Variants in C2CD2 observed in about 807,000 individuals in gnomAD.
The protein encoded by C2CD2 is C2 domain-containing protein 2.
In C2CD2, 43 loss-of-function variants were observed where a neutral mutation model predicts 74.3. That is an observed-to-expected ratio of 0.58 (90% CI 0.45 to 0.75). The LOEUF is 0.75. Among genes scored for constraint, C2CD2 ranks in the 30% least tolerant of loss-of-function variants. The pLI is 0.00. For missense variants in C2CD2, 801 were observed against 916.3 expected (o/e 0.87, Z 1.63); for synonymous variants, 422 against 390.7 (o/e 1.08, Z -0.94).
At position 41,929,790 on chromosome 21, in the gene C2CD2, C is replaced by T. The variant is rs74500025; in HGVS notation, c.379-7705G>A. On this transcript the variant is annotated intron_variant, in intron 2 of 13. Coordinates refer to ENST00000380486, the MANE Select transcript of C2CD2 (RefSeq NM_015500.2). The surrounding 1 kb of genome is among the most constrained non-coding windows in gnomAD (Gnocchi z 4.6). ...CAGCAAGTTTTCCAAATGAAAGTTA[C>T]GTTGAAAGCCACAGTTACCATACTG... is the stretch of plus-strand genomic sequence containing the variant. Among the ~76,000 whole-genome samples, 83 of 152,326 alleles carry T rather than the reference C, an allele frequency of 5.4e-4. 1 individual carries two copies. The East Asian group carries it at 0.011, about 20-fold the overall frequency.
rs775058181 is a variant in C2CD2, at chr21:41,907,131, C to T, written c.1179G>A (p.Trp393Ter). 4.3e-6 allele frequency: 7 copies of T among 1,614,050 alleles called. No homozygotes were observed. The highest frequency in any genetic ancestry group is 5.9e-6 in the Non-Finnish European group (7 of 1,179,934). Residue 393 changes from tryptophan to a stop codon, truncating the protein, a stop_gained, in exon 10 of 14, where the codon TGG becomes TGA. Coordinates refer to ENST00000380486, the MANE Select transcript of C2CD2 (RefSeq NM_015500.2). LOFTEE classifies it high-confidence loss of function. The part of the protein sequence containing the change: ...SYMEPGELKS[W>*]PIPPPVPAAK... ...CAGCAGGAACAGGGGGAGGGATGGG[C>T]CAGGATTTCAATTCACCAGGTTCCA...
chr21:41,918,285 A>T (rs1026930154), intron 4 of C2CD2, 58 bp from the exon 5 acceptor site: 1 of 1,585,318 alleles, frequency 6.3e-7, no homozygotes, highest in African/African-American at 1.3e-5. Flanking sequence ...CCTGCTCCCA[A>T]TCTCACGTCT....
intron 2 of C2CD2, among the ~76,000 whole-genome samples, chr21:41,930,128 C>G (rs974819795): frequency 1.4e-5 from 2 of 145,080 alleles, no homozygotes; most frequent in African/African-American, 4.9e-5. Flanking sequence ...CGAAACTCTT[C>G]CGGTGGGAGA....
At chr21:41,890,344 T>C (rs2064736481) in intron 13 of C2CD2, among the ~76,000 whole-genome samples, 1 of 152,186 alleles carries the variant, frequency 6.6e-6, no homozygotes, top group Non-Finnish European at 1.5e-5. Flanking sequence ...GCTATAGATA[T>C]CCATCAGGTA....
chr21:41,905,572 C>G (rs2064950958), intron 11 of C2CD2, 152 bp downstream of exon 11: 1 of 551,652 alleles, frequency 1.8e-6, no homozygotes, highest in African/African-American at 2.0e-5. Flanking sequence ...CCCGCCTCAG[C>G]CTCCCAAAGT....
At chr21:41,946,285 T>C (rs2065396907) in intron 1 of C2CD2, among the ~76,000 whole-genome samples, 1 of 152,192 alleles carries the variant, frequency 6.6e-6, no homozygotes, top group East Asian at 1.9e-4. Context: ...GGTGACATGA[T>C]GTGGATCTGT....
At chr21:41,944,233 C>G (rs886642025) in intron 1 of C2CD2, among the ~76,000 whole-genome samples, 1 of 152,286 alleles carries the variant, frequency 6.6e-6, no homozygotes, top group South Asian at 2.1e-4. Flanking sequence ...GAGTTTGCAG[C>G]CGGGTGCCAC....
chr21:41,913,448 G>T (rs369182164), intron 6 of C2CD2, among the ~76,000 whole-genome samples: 1 of 152,174 alleles, frequency 6.6e-6, no homozygotes, highest in Non-Finnish European at 1.5e-5. Context: ...CCCAGACGTG[G>T]GGACATCCAG....
chr21:41,946,283 G>A (rs1168470731), intron 1 of C2CD2, among the ~76,000 whole-genome samples: 1 of 152,220 alleles, frequency 6.6e-6, no homozygotes, highest in Non-Finnish European at 1.5e-5. Flanking sequence ...GAGGTGACAT[G>A]ATGTGGATCT....
In C2CD2 at chr21:41,945,542, G is replaced by C. The variant is rs181542907; in HGVS notation, c.280-3297C>G. On this transcript the variant is annotated intron_variant, in intron 1 of 13. Transcript: ENST00000380486. The surrounding 1 kb of genome is among the most constrained non-coding windows in gnomAD (Gnocchi z 4.2). The stretch of plus-strand genomic sequence containing the variant: ...TGGGCTTGATGGAAGAACACAAGAG[G>C]CTACTCTCAAAGGAGCACCCTGATG... Among the ~76,000 whole-genome samples, 1 of 152,152 alleles carries C rather than the reference G, an allele frequency of 6.6e-6. No individual in the cohort carries two copies. The highest frequency in any genetic ancestry group is 1.5e-5 in the Non-Finnish European group (1 of 68,004).
chr21:41,926,772 T>A lies in C2CD2; in HGVS notation c.379-4687A>T. ...CTCGGCTCCTTCTCTTAGAACACTC[T>A]AGAGAACTGGAAATCATGTAATTAC... On this transcript the variant is annotated intron_variant, in intron 2 of 13. Coordinates refer to ENST00000380486, the MANE Select transcript of C2CD2 (RefSeq NM_015500.2). The surrounding 1 kb of genome is among the most constrained non-coding windows in gnomAD (Gnocchi z 8.0). 1 of 193,444 alleles carries A rather than the reference T, an allele frequency of 5.2e-6. No individual in the cohort carries two copies. Among genetic ancestry groups the A allele is most frequent in the Non-Finnish European group, 9.5e-6 (1 of 105,750 alleles). 12.0% of individuals were successfully genotyped at this position (193,444 alleles called of 1,614,324 possible). A position where few individuals can be genotyped will look rare whatever the true frequency, so the allele number is the denominator to read the frequency against.
Position 41,903,568 on chromosome 21 carries a change from C to T in C2CD2, c.1433-1819G>A, listed in dbSNP as rs150839777. Among the ~76,000 whole-genome samples, 539 of 152,246 alleles carry T rather than the reference C, an allele frequency of 3.5e-3. 5 individuals are homozygous for T. The highest frequency in any genetic ancestry group is 0.013 in the African/African-American group (523 of 41,526). On this transcript the variant is annotated intron_variant, in intron 11 of 13. Coordinates refer to ENST00000380486, the MANE Select transcript of C2CD2 (RefSeq NM_015500.2). The surrounding 1 kb of genome is among the most constrained non-coding windows in gnomAD (Gnocchi z 4.5). ...AGTAGAGGAACAGATTTTTGTTTAG[C>T]CACTGACCCACACTGAGAAGAGAGA...
At chr21:41,896,722 A>C (rs967333735) in intron 13 of C2CD2, among the ~76,000 whole-genome samples, 2 of 151,830 alleles carry the variant, frequency 1.3e-5, no homozygotes, top group Non-Finnish European at 2.9e-5. Context: ...AAAAAAAAAA[A>C]AAAAAAACAA....
intron 1 of C2CD2, among the ~76,000 whole-genome samples, chr21:41,950,073 C>T (rs907919625): frequency 6.6e-6 from 1 of 151,720 alleles, no homozygotes; most frequent in Non-Finnish European, 1.5e-5. Flanking sequence ...ACCAACATGG[C>T]ACACGTATAC....
chr21:41,948,864 C>G (rs953410913), intron 1 of C2CD2, among the ~76,000 whole-genome samples: 1 of 52,998 alleles, frequency 1.9e-5, no homozygotes, highest in East Asian at 2.5e-4. Flanking sequence ...CAAGTCCACA[C>G]AGCATCTTTT....
At chr21:41,907,377 T>C (rs1007719731) in intron 9 of C2CD2, among the ~76,000 whole-genome samples, 4 of 152,182 alleles carry the variant, frequency 2.6e-5, no homozygotes, top group African/African-American at 4.8e-5. Flanking sequence ...GGCAACAGAA[T>C]AGAAGCTGGG....
chr21:41,891,320 C>T (rs561980055), intron 13 of C2CD2, among the ~76,000 whole-genome samples: 5 of 152,318 alleles, frequency 3.3e-5, no homozygotes, highest in Admixed American at 2.6e-4. Flanking sequence ...GAGTGAGTCA[C>T]GTCCCTGAAA....
intron 2 of C2CD2, among the ~76,000 whole-genome samples, chr21:41,936,364 G>GA (rs2146219265): frequency 6.6e-6 from 1 of 152,290 alleles, no homozygotes; most frequent in African/African-American, 2.4e-5. Context: ...AATCATTAGG[G>GA]AAATGCAAAT....
intron 10 of C2CD2, among the ~76,000 whole-genome samples, chr21:41,906,686 A>C (rs1011920647): frequency 1.3e-5 from 2 of 152,164 alleles, no homozygotes; most frequent in Non-Finnish European, 2.9e-5. Flanking sequence ...TTCTTAATTT[A>C]ACTTAGTTGG....
Sources: gnomAD v4.1 joint callset for allele counts (sites outside exome capture counted in the v4.1 genomes callset) on GRCh38, gnomAD v4.1.1 for gene constraint, Gnocchi (gnomAD v3.1) non-coding constraint, MANE v1.5 for transcripts, NCBI Gene and HGNC (gene_info 2026-07-23, HGNC 2026-07-21) for gene names.